The following FBXO31 variants were observed in gnomAD, a reference collection of about 807,000 sequenced individuals.
FBXO31 encodes the protein F-box only protein 31.
FBXO31 carries 24 observed loss-of-function variants against 54.4 expected under a neutral mutation model. The ratio of observed to expected loss-of-function variants is 0.44; its 90% CI spans 0.32 to 0.62. FBXO31 has a LOEUF of 0.62. FBXO31 is among the 20% of genes least tolerant of loss of function. The probability of loss-of-function intolerance (pLI) is 0.05; values close to 1 mark genes in which losing one functional copy is unlikely to be tolerated. For missense variants in FBXO31, 665 were observed against 787.1 expected (o/e 0.84, Z 1.86); for synonymous variants, 388 against 335.6 (o/e 1.16, Z -1.71).
chr16:87,360,246 G>T, intron 2 of FBXO31, 49 bp downstream of exon 2: 1 of 1,534,410 alleles, frequency 6.5e-7, no homozygotes, highest in Non-Finnish European at 9.0e-7. Flanking sequence ...TGCACTGTCT[G>T]CTTCTGGTAC....
chr16:87,334,747 G>A (rs1255360587), intron 7 of FBXO31, among the ~76,000 whole-genome samples: 3 of 152,228 alleles, frequency 2.0e-5, no homozygotes, highest in Non-Finnish European at 2.9e-5. Flanking sequence ...CCCTTCAGGC[G>A]CTGTCTGCCA....
intron 1 of FBXO31, among the ~76,000 whole-genome samples, chr16:87,373,523 C>T (rs1906691414): frequency 7.1e-6 from 1 of 141,772 alleles, no homozygotes; most frequent in Non-Finnish European, 1.5e-5. Context: ...ACATACATAC[C>T]TGAAGCCAAC....
upstream of FBXO31, among the ~76,000 whole-genome samples, chr16:87,390,286 A>G (rs949904477): frequency 6.6e-6 from 1 of 152,196 alleles, no homozygotes; most frequent in African/African-American, 2.4e-5. Context: ...GTCTCAAAAA[A>G]CAAATAAATA....
rs1439740781 is a variant in FBXO31 at position 87,338,124 on chromosome 16, TAA to T, written c.733-1862_733-1861del. Among the ~76,000 whole-genome samples, 1 of 151,220 alleles carries T rather than the reference TAA, an allele frequency of 6.6e-6. No individual in the cohort carries two copies. The highest frequency in any genetic ancestry group is 2.4e-5 in the African/African-American group (1 of 41,084). ...TGTGTAGCCATGACCTCGCTTTACA[TAA>T]AGAGGTCCAAGCAACGGGACCACCA... On this transcript the variant is annotated intron_variant, in intron 5 of 8. Transcript: ENST00000311635. The surrounding 1 kb of genome is among the most constrained non-coding windows in gnomAD (Gnocchi z 4.3).
intron 1 of FBXO31, among the ~76,000 whole-genome samples, chr16:87,361,108 C>T (rs1906113142): frequency 6.6e-6 from 1 of 152,236 alleles, no homozygotes; most frequent in African/African-American, 2.4e-5. Flanking sequence ...GACTAATCCA[C>T]ACAACTACAG....
upstream of FBXO31, among the ~76,000 whole-genome samples, chr16:87,387,978 C>T (rs1488015066): frequency 6.6e-6 from 1 of 152,154 alleles, no homozygotes; most frequent in Non-Finnish European, 1.5e-5. Context: ...TTAAAATAAG[C>T]GGGCTGATGG....
Position 87,383,156 on chromosome 16 carries a change from C to T in FBXO31, c.340+249G>A, listed in dbSNP as rs1181855255. On this transcript the variant is annotated intron_variant, in intron 1 of 8. Coordinates refer to ENST00000311635, the MANE Select transcript of FBXO31 (RefSeq NM_024735.5). This position sits in a 1 kb window ranked among gnomAD's most constrained non-coding sequence, Gnocchi z 4.9. ...GATGCCTCCCTGACGCCCTCAACCC[C>T]TCCCTACCCCGTCTGCCTCTCTTGG... Among the ~76,000 whole-genome samples, 1 of 152,088 alleles carries T rather than the reference C, an allele frequency of 6.6e-6. No individual in the cohort carries two copies. Among genetic ancestry groups the T allele is most frequent in the Non-Finnish European group, 1.5e-5 (1 of 67,998 alleles).
At chr16:87,333,292 G>A (rs374701052) in intron 8 of FBXO31, among the ~76,000 whole-genome samples, 5 of 152,230 alleles carry the variant, frequency 3.3e-5, no homozygotes, top group Non-Finnish European at 5.9e-5. Context: ...CCACGCAGTC[G>A]CAGCTGGTGT....
At position 87,354,265 on chromosome 16, in the gene FBXO31, G is replaced by A. The variant is rs78841005; in HGVS notation, c.412+6030C>T. On this transcript the variant is annotated intron_variant, in intron 2 of 8. Transcript: ENST00000311635. Reference sequence around the variant, plus strand: ...AGGCGGGATAATCGCTTGAGCCCAGGAGTTCCAGACTGGCCTGGGTAACAT... The same window carrying A: ...AGGCGGGATAATCGCTTGAGCCCAGAAGTTCCAGACTGGCCTGGGTAACAT... Among the ~76,000 whole-genome samples the A allele has an allele frequency of 2.8e-3, 432 of 152,222 alleles. 6 individuals are homozygous for A. The East Asian group carries it at 0.03, about 11-fold the overall frequency.
chr16:87,355,679 G>A (rs961643125), intron 2 of FBXO31, among the ~76,000 whole-genome samples: 4 of 152,106 alleles, frequency 2.6e-5, no homozygotes, highest in South Asian at 2.1e-4. Context: ...TGATAAAGCC[G>A]CCAGCTCGAA....
chr16:87,384,405 G>T (rs569931220), upstream of FBXO31, among the ~76,000 whole-genome samples: 1 of 152,304 alleles, frequency 6.6e-6, no homozygotes, highest in South Asian at 2.1e-4. Context: ...GGCTTGGAGG[G>T]GCGGCGGCCG....
At chr16:87,353,442 G>T (rs1754452841) in intron 2 of FBXO31, among the ~76,000 whole-genome samples, 1 of 152,240 alleles carries the variant, frequency 6.6e-6, no homozygotes, top group African/African-American at 2.4e-5. Context: ...AAGATGTAAT[G>T]TAGCCGTGAG....
chr16:87,379,006 G>A (rs1231062370), intron 1 of FBXO31, among the ~76,000 whole-genome samples: 2 of 151,482 alleles, frequency 1.3e-5, no homozygotes, highest in Admixed American at 6.6e-5. Context: ...CATAGATATA[G>A]ATATATATGT....
chr16:87,353,760 T>C (rs1003400109), intron 2 of FBXO31, among the ~76,000 whole-genome samples: 29 of 148,524 alleles, frequency 2.0e-4, no homozygotes, highest in Non-Finnish European at 3.7e-4. Context: ...GCCTCCAGCC[T>C]GTGAGAGGCG....
At chr16:87,386,004 C>G (rs1907316107), upstream of FBXO31, 1 of 151,370 alleles carries the variant, frequency 6.6e-6, no homozygotes, top group Admixed American at 6.6e-5. Context: ...GAGCAAGACT[C>G]TTTCTCAAAA....
chr16:87,359,959 T>A (rs1184409836), intron 2 of FBXO31, among the ~76,000 whole-genome samples: 3 of 152,188 alleles, frequency 2.0e-5, no homozygotes, highest in Non-Finnish European at 4.4e-5. Flanking sequence ...CCACAGGCAG[T>A]CCCATCCTGA....
rs1904825367 is a variant in FBXO31, at chr16:87,330,839, C to G, written c.*449G>C. The stretch of plus-strand genomic sequence containing the variant: ...CTTCCTGACCCCCTCCCAGAGGCCA[C>G]TGTTGCCTGGCTTCCCCCAAAAGGA... On this transcript the variant is annotated 3_prime_UTR_variant, in exon 9 of 9. Coordinates refer to ENST00000311635, the MANE Select transcript of FBXO31 (RefSeq NM_024735.5). 1 of 179,454 alleles carries G rather than the reference C, an allele frequency of 5.6e-6. No individual in the cohort carries two copies. Among genetic ancestry groups the G allele is most frequent in the Non-Finnish European group, 1.2e-5 (1 of 84,688 alleles). 11.1% of individuals were successfully genotyped at this position (179,454 alleles called of 1,614,324 possible).
intron 8 of FBXO31, among the ~76,000 whole-genome samples, chr16:87,332,590 T>C (rs1183804383): frequency 1.3e-5 from 2 of 151,210 alleles, no homozygotes; most frequent in African/African-American, 2.4e-5. Flanking sequence ...GTCACCGTTA[T>C]CATACATGGA....
chr16:87,383,603 C>T lies in FBXO31; in HGVS notation c.142G>A (p.Ala48Thr). ...GCGCACAAGCCGCCCCCGACCCCGGCGCTAGCCTCGATGCGCTCCTCCTCG... is the reference window on the plus strand; with the variant it reads ...GCGCACAAGCCGCCCCCGACCCCGGTGCTAGCCTCGATGCGCTCCTCCTCG... ...DPEEERIEAS[A>T]GVGGGLCAGP... The change falls in exon 1 of 9, where the codon GCC becomes ACC. Residue 48 changes from alanine (A) to threonine (T), a missense_variant. Around this residue, in one of 4 missense-constraint regions of FBXO31, gnomAD observed 195 missense variants for 174.8 expected, o/e 1.12. Transcript: ENST00000311635. The surrounding 1 kb of genome is among the most constrained non-coding windows in gnomAD (Gnocchi z 4.9). 6.8e-7 allele frequency: 1 copy of T among 1,470,346 alleles called. No individual in the cohort carries two copies. Among genetic ancestry groups the T allele is most frequent in the African/African-American group, 1.5e-5 (1 of 67,924 alleles). 91.1% of individuals were successfully genotyped at this position (1,470,346 alleles called of 1,614,324 possible).
Sources: gnomAD v4.1 joint callset for allele counts (sites outside exome capture counted in the v4.1 genomes callset) on GRCh38, gnomAD v4.1.1 for gene constraint, gnomAD v4.1.1 regional missense constraint, Gnocchi (gnomAD v3.1) non-coding constraint, MANE v1.5 for transcripts, NCBI Gene and HGNC (gene_info 2026-07-23, HGNC 2026-07-21) for gene names.